CYP7B1: variants seen among roughly 807,000 people sequenced by gnomAD.
CYP7B1 encodes cytochrome P450 7B1.
CYP7B1 carries 29 observed loss-of-function variants against 42.7 expected under a neutral mutation model. That is an observed-to-expected ratio of 0.68 (90% CI 0.51 to 0.93). The LOEUF (loss-of-function observed/expected upper bound fraction) is 0.93. CYP7B1 is among the 40% of genes least tolerant of loss of function. CYP7B1 has a pLI of 0.00. For missense variants in CYP7B1, 655 were observed against 600.5 expected (o/e 1.09, Z -0.95); for synonymous variants, 235 against 218.2 (o/e 1.08, Z -0.68).
intron 4 of CYP7B1, among the ~76,000 whole-genome samples, chr8:64,606,381 G>A (rs889726144): frequency 2.8e-4 from 42 of 152,212 alleles, no homozygotes; most frequent in African/African-American, 9.9e-4. Context: ...CTCTGTTGGA[G>A]CAACAATAGC....
intron 1 of CYP7B1, among the ~76,000 whole-genome samples, chr8:64,712,518 A>T (rs1807095972): frequency 1.3e-5 from 2 of 149,960 alleles, no homozygotes; most frequent in East Asian, 1.9e-4. Flanking sequence ...TGTGGAAAGG[A>T]TTTTTTTTTT....
chr8:64,743,790 G>A (rs1341218187), intron 1 of CYP7B1, among the ~76,000 whole-genome samples: 2 of 152,000 alleles, frequency 1.3e-5, no homozygotes, highest in Non-Finnish European at 2.9e-5. Context: ...TAATTTTGGG[G>A]GGACAAAATA....
intron 1 of CYP7B1, among the ~76,000 whole-genome samples, chr8:64,796,640 T>C (rs922043973): frequency 1.3e-5 from 2 of 152,182 alleles, no homozygotes; most frequent in Non-Finnish European, 2.9e-5. Context: ...CTCAAAGATA[T>C]CTATGTTTTG....
At chr8:64,639,614 G>A (rs1805824355) in intron 1 of CYP7B1, among the ~76,000 whole-genome samples, 1 of 152,054 alleles carries the variant, frequency 6.6e-6, no homozygotes, top group Admixed American at 6.6e-5. Context: ...CTATTATCAG[G>A]TGTTAGCAAG....
intron 1 of CYP7B1, among the ~76,000 whole-genome samples, chr8:64,724,608 G>C (rs553690999): frequency 6.6e-6 from 1 of 152,298 alleles, no homozygotes; most frequent in South Asian, 2.1e-4. Context: ...AGTCTGGCTG[G>C]AAGCTTTTCA....
At position 64,695,046 on chromosome 8, in the gene CYP7B1, T is replaced by G. The variant is rs140654570; in HGVS notation, c.123-70507A>C. Among the ~76,000 whole-genome samples the G allele has an allele frequency of 3.2e-4, 49 of 152,146 alleles. 1 individual carries two copies. In the East Asian group the frequency reaches 8.7e-3, roughly 27 times the overall value. The stretch of plus-strand genomic sequence containing the variant: ...CAAAACTCAAGGGTCCTGTTGAAAA[T>G]CTGAAATTCAAAACAATTCGAACCC... On this transcript the variant is annotated intron_variant, in intron 1 of 5. Coordinates refer to ENST00000310193, the MANE Select transcript of CYP7B1 (RefSeq NM_004820.5).
At chr8:64,783,802 A>G (rs543429423) in intron 1 of CYP7B1, among the ~76,000 whole-genome samples, 2 of 152,300 alleles carry the variant, frequency 1.3e-5, no homozygotes, top group African/African-American at 4.8e-5. Context: ...AGGGCTAACT[A>G]GTATAAGTCA....
At chr8:64,760,788 T>A (rs1312209806) in intron 1 of CYP7B1, among the ~76,000 whole-genome samples, 1 of 152,102 alleles carries the variant, frequency 6.6e-6, no homozygotes, top group African/African-American at 2.4e-5. Flanking sequence ...TAAAACAGTA[T>A]GGAGGTTCCT....
chr8:64,607,005 T>G (rs1013758255), intron 4 of CYP7B1, among the ~76,000 whole-genome samples: 1 of 152,178 alleles, frequency 6.6e-6, no homozygotes, highest in Non-Finnish European at 1.5e-5. Context: ...CACCAGCCAG[T>G]GCCACTGACA....
chr8:64,771,080 T>TTTTTTTC (rs61295651), intron 1 of CYP7B1, among the ~76,000 whole-genome samples: 1 of 132,320 alleles, frequency 7.6e-6, no homozygotes. Flanking sequence ...TTTTTTTTTT[T>TTTTTTTC]AGACAGGGTC....
intron 1 of CYP7B1, among the ~76,000 whole-genome samples, chr8:64,708,803 A>C (rs1408781182): frequency 1.3e-5 from 2 of 152,236 alleles, no homozygotes; most frequent in Admixed American, 1.3e-4. Context: ...TACATATAGC[A>C]AAATCATAGT....
At chr8:64,650,587 G>T (rs983544848) in intron 1 of CYP7B1, among the ~76,000 whole-genome samples, 7 of 152,142 alleles carry the variant, frequency 4.6e-5, no homozygotes, top group African/African-American at 1.7e-4. Flanking sequence ...GGCAGAGGTT[G>T]CAGTGAGCCT....
intron 1 of CYP7B1, among the ~76,000 whole-genome samples, chr8:64,669,894 T>G (rs1362806751): frequency 6.6e-6 from 1 of 152,224 alleles, no homozygotes; most frequent in African/African-American, 2.4e-5. Context: ...ATCATTTCAT[T>G]CAATTGAATT....
rs140812824 is a variant in CYP7B1, at chr8:64,591,608, T to A, written c.*5034A>T. Among the ~76,000 whole-genome samples, 11 of 152,256 alleles carry A rather than the reference T, an allele frequency of 7.2e-5. No individual in the cohort carries two copies. Among genetic ancestry groups the A allele is most frequent in the Non-Finnish European group, 1.6e-4 (11 of 68,006 alleles). ...TAAAATAAGCATTAAAAATGTAGATTTTCAGTATGGAAGCTCCTTTGCCTT... is the reference window on the plus strand; with the variant it reads ...TAAAATAAGCATTAAAAATGTAGATATTCAGTATGGAAGCTCCTTTGCCTT... On this transcript the variant is annotated 3_prime_UTR_variant, in exon 6 of 6. Coordinates refer to ENST00000310193, the MANE Select transcript of CYP7B1 (RefSeq NM_004820.5).
Position 64,593,235 on chromosome 8 carries a change from GTGTGTGTGT to G in CYP7B1, c.*3398_*3406del, listed in dbSNP as rs1563535432. Among the ~76,000 whole-genome samples the G allele has an allele frequency of 1.9e-3, 96 of 51,666 alleles. No homozygotes were observed. The highest frequency in any genetic ancestry group is 6.8e-3 in the Admixed American group (32 of 4,718). The allele number at this position is 51,666 out of a possible 152,430, so 33.9% of individuals were successfully genotyped here. A position where few individuals can be genotyped will look rare whatever the true frequency, so the allele number is the denominator to read the frequency against. The stretch of plus-strand genomic sequence containing the variant: ...TGGACTAAAGGCTAGGGCCCAGGGT[GTGTGTGTGT>G]GTGTGTGTGTGTGTGTGTGTGTGTG... On this transcript the variant is annotated 3_prime_UTR_variant, in exon 6 of 6. Transcript: ENST00000310193.
intron 1 of CYP7B1, among the ~76,000 whole-genome samples, chr8:64,737,089 T>A (rs183804640): frequency 6.6e-6 from 1 of 152,252 alleles, no homozygotes; most frequent in African/African-American, 2.4e-5. Context: ...CCTAAATCAG[T>A]CCATTTTTAA....
At chr8:64,737,133 T>C (rs1456156427) in intron 1 of CYP7B1, among the ~76,000 whole-genome samples, 2 of 152,172 alleles carry the variant, frequency 1.3e-5, no homozygotes, top group Admixed American at 1.3e-4. Flanking sequence ...TTGTCTCACT[T>C]TGTCACCCAG....
intron 1 of CYP7B1, among the ~76,000 whole-genome samples, chr8:64,625,850 T>C (rs183848668): frequency 2.6e-4 from 40 of 152,242 alleles, no homozygotes; most frequent in Non-Finnish European, 8.8e-5. Flanking sequence ...GGTTTCTTTC[T>C]TTCTTTTTTT....
At chr8:64,598,710 A>G (rs941171281) in intron 5 of CYP7B1, among the ~76,000 whole-genome samples, 1 of 152,094 alleles carries the variant, frequency 6.6e-6, no homozygotes, top group Non-Finnish European at 1.5e-5. Flanking sequence ...CTCCTTACCC[A>G]TGACCTTCAG....
Sources: allele counts gnomAD v4.1 joint callset (sites outside exome capture counted in the v4.1 genomes callset), GRCh38; gene constraint gnomAD v4.1.1; transcripts MANE v1.5; gene names NCBI Gene and HGNC (gene_info 2026-07-23, HGNC 2026-07-21).